Variants in NCALD observed in about 807,000 individuals in gnomAD.
The protein encoded by NCALD is neurocalcin delta.
NCALD carries 10 observed loss-of-function variants against 18.6 expected under a neutral mutation model. The ratio of observed to expected loss-of-function variants is 0.54; its 90% CI spans 0.33 to 0.91. NCALD has a LOEUF of 0.91. NCALD is among the 40% of genes least tolerant of loss of function. The probability of loss-of-function intolerance (pLI) is 0.03; values close to 1 mark genes in which losing one functional copy is unlikely to be tolerated. For synonymous variants in NCALD, 88 were observed against 87.4 expected (o/e 1.01, Z -0.04); for missense variants, 184 against 247.6 (o/e 0.74, Z 1.72).
intron 1 of NCALD, among the ~76,000 whole-genome samples, chr8:102,113,257 A>G (rs1251740886): frequency 1.3e-5 from 2 of 152,248 alleles, no homozygotes; most frequent in African/African-American, 4.8e-5. Context: ...CAAAAAACAC[A>G]TGTATATAAA....
chr8:101,916,670 A>G (rs966456528), intron 2 of NCALD, among the ~76,000 whole-genome samples: 2 of 152,160 alleles, frequency 1.3e-5, no homozygotes, highest in Admixed American at 1.3e-4. Context: ...TACCATGGAA[A>G]CAGAAAACAA....
chr8:102,004,722 G>A (rs2132040312), intron 2 of NCALD, among the ~76,000 whole-genome samples: 1 of 152,056 alleles, frequency 6.6e-6, no homozygotes, highest in Middle Eastern at 3.4e-3. Flanking sequence ...CAGAAATAAT[G>A]CCACATATCT....
chr8:101,889,904 G>T (rs969543673), intron 3 of NCALD, among the ~76,000 whole-genome samples: 2 of 152,110 alleles, frequency 1.3e-5, no homozygotes, highest in African/African-American at 4.8e-5. Flanking sequence ...AAAAGCAAAA[G>T]GTTTAAACTT....
intron 4 of NCALD, among the ~76,000 whole-genome samples, chr8:101,881,789 C>T (rs1032567299): frequency 6.6e-6 from 1 of 152,186 alleles, no homozygotes; most frequent in African/African-American, 2.4e-5. Flanking sequence ...GAGTAAATAT[C>T]TAATTATTTC....
At chr8:102,123,065 C>T (rs1403652167) in intron 1 of NCALD, among the ~76,000 whole-genome samples, 1 of 152,228 alleles carries the variant, frequency 6.6e-6, no homozygotes, top group Non-Finnish European at 1.5e-5. Flanking sequence ...CCATAAAACA[C>T]GGGGATCTCC....
At chr8:102,068,472 T>TG (rs1824079643) in intron 1 of NCALD, among the ~76,000 whole-genome samples, 1 of 152,194 alleles carries the variant, frequency 6.6e-6, no homozygotes, top group Admixed American at 6.5e-5. Flanking sequence ...AGAATGTTCT[T>TG]TCCTCTGTTC....
intron 2 of NCALD, among the ~76,000 whole-genome samples, chr8:101,951,554 G>A (rs1819423718): frequency 6.6e-6 from 1 of 152,178 alleles, no homozygotes; most frequent in Non-Finnish European, 1.5e-5. Flanking sequence ...ACCTGGGTTT[G>A]ACGAGGCCCC....
chr8:102,005,781 A>G (rs1175731577), intron 2 of NCALD, among the ~76,000 whole-genome samples: 1 of 151,862 alleles, frequency 6.6e-6, no homozygotes, highest in Non-Finnish European at 1.5e-5. Flanking sequence ...GCAAGGACAA[A>G]AAAACCAAAC....
intron 2 of NCALD, among the ~76,000 whole-genome samples, chr8:101,949,584 T>C (rs1284793814): frequency 6.6e-6 from 1 of 152,104 alleles, no homozygotes; most frequent in Non-Finnish European, 1.5e-5. Context: ...TCAATCCACA[T>C]TTGAAAGACA....
intron 4 of NCALD, among the ~76,000 whole-genome samples, chr8:101,820,415 T>C (rs992062828): frequency 6.6e-6 from 1 of 152,192 alleles, no homozygotes; most frequent in African/African-American, 2.4e-5. Flanking sequence ...ATGTGTTTAA[T>C]AAATAAACGA....
chr8:102,032,867 C>A (rs1293115532), intron 1 of NCALD, among the ~76,000 whole-genome samples: 1 of 152,114 alleles, frequency 6.6e-6, no homozygotes, highest in African/African-American at 2.4e-5. Flanking sequence ...TGACAGTAAT[C>A]AATGAGTCTA....
chr8:101,961,728 C>T (rs1263501871), intron 2 of NCALD, among the ~76,000 whole-genome samples: 1 of 152,128 alleles, frequency 6.6e-6, no homozygotes, highest in Admixed American at 6.6e-5. Flanking sequence ...CTGTGTCTAG[C>T]ATGCTAACTA....
rs1446370980 is a variant in NCALD at position 101,913,874 on chromosome 8, G to A, written c.-107+1935C>T. Reference sequence around the variant, plus strand: ...TAGGATTACAGGAGTGAGACACTGCGCCTGGCCTACTTAACTGTTTTTCAA... The same window carrying A: ...TAGGATTACAGGAGTGAGACACTGCACCTGGCCTACTTAACTGTTTTTCAA... On this transcript the variant is annotated intron_variant, in intron 3 of 6. Coordinates refer to the NCALD transcript ENST00000311028. Among the ~76,000 whole-genome samples, 5 of 152,260 alleles carry A rather than the reference G, an allele frequency of 3.3e-5. No individual in the cohort carries two copies. The Middle Eastern group carries it at 0.01, about 311-fold the overall frequency.
chr8:102,116,010 T>C (rs541269811), intron 1 of NCALD, among the ~76,000 whole-genome samples: 26 of 152,164 alleles, frequency 1.7e-4, no homozygotes, highest in African/African-American at 5.3e-4. Flanking sequence ...TTTATTTTGT[T>C]GTTTAAAGTT....
intron 2 of NCALD, among the ~76,000 whole-genome samples, chr8:101,976,924 T>C (rs1820443969): frequency 6.6e-6 from 1 of 150,840 alleles, no homozygotes. Context: ...GGGGCAGGAG[T>C]GAGGAAAGAG....
intron 2 of NCALD, among the ~76,000 whole-genome samples, chr8:101,971,851 A>C: frequency 6.6e-6 from 1 of 152,126 alleles, no homozygotes; most frequent in East Asian, 1.9e-4. Flanking sequence ...CTGCCCACCT[A>C]ACCCCAGTTA....
chr8:101,903,433 G>C (rs1817506411), intron 3 of NCALD, among the ~76,000 whole-genome samples: 1 of 152,088 alleles, frequency 6.6e-6, no homozygotes, highest in Non-Finnish European at 1.5e-5. Context: ...TTGATCTCAT[G>C]ATCCGCCCAC....
chr8:101,803,316 T>A (rs547637541), intron 4 of NCALD, among the ~76,000 whole-genome samples: 1 of 152,218 alleles, frequency 6.6e-6, no homozygotes, highest in African/African-American at 2.4e-5. Flanking sequence ...AAGCCCATTG[T>A]TGAGACCTAC....
chr8:101,723,272 G>T (rs1351539928), intron 1 of NCALD, among the ~76,000 whole-genome samples: 2 of 152,068 alleles, frequency 1.3e-5, no homozygotes, highest in Admixed American at 6.6e-5. Flanking sequence ...TCTCTATTAA[G>T]TTAATTGCAG....
Sources: gnomAD v4.1 joint callset for allele counts (sites outside exome capture counted in the v4.1 genomes callset) on GRCh38, gnomAD v4.1.1 for gene constraint, MANE v1.5 for transcripts, NCBI Gene and HGNC (gene_info 2026-07-23, HGNC 2026-07-21) for gene names.